Variants in MYRIP observed in about 807,000 individuals in gnomAD.
MYRIP encodes the protein myosin VIIA and Rab interacting protein, also known as rab effector MyRIP.
In MYRIP, 49 loss-of-function variants were observed where a neutral mutation model predicts 98.0. The observed-to-expected ratio is 0.50, with a 90% CI of 0.40 to 0.63. The LOEUF (loss-of-function observed/expected upper bound fraction) is 0.63, where lower values mean the gene tolerates loss of function less well. Ranked by LOEUF, MYRIP falls within the 30% of genes least tolerant of loss-of-function variation. MYRIP has a pLI of 0.00. For missense variants in MYRIP, 1,004 were observed against 1,058.2 expected (o/e 0.95, Z 0.71); for synonymous variants, 404 against 409.5 (o/e 0.99, Z 0.16).
At chr3:39,830,008 G>C (rs1941393407) in intron 1 of MYRIP, among the ~76,000 whole-genome samples, 1 of 152,082 alleles carries the variant, frequency 6.6e-6, no homozygotes. Flanking sequence ...GTAACTACCA[G>C]CTTCACAATC....
At chr3:40,069,097 G>T (rs1395320565) in intron 3 of MYRIP, among the ~76,000 whole-genome samples, 1 of 152,098 alleles carries the variant, frequency 6.6e-6, no homozygotes, top group Admixed American at 6.6e-5. Context: ...TGAGTAGATT[G>T]GTAGCTGGTA....
chr3:40,182,187 G>A (rs745654445), intron 8 of MYRIP, 33 bp from the exon 9 acceptor site: 4 of 1,575,166 alleles, frequency 2.5e-6, no homozygotes, highest in Non-Finnish European at 2.6e-6. Flanking sequence ...TGTACCTTAT[G>A]AGCTCACCCC....
chr3:39,829,534 G>A (rs1439799327), intron 1 of MYRIP, among the ~76,000 whole-genome samples: 1 of 152,130 alleles, frequency 6.6e-6, no homozygotes, highest in Non-Finnish European at 1.5e-5. Flanking sequence ...GTCCTAGGCT[G>A]TGAGAGGTTG....
rs1239458074 is a variant in MYRIP at position 40,084,387 on chromosome 3, CGATA to C, written c.332+40121_332+40124del. On this transcript the variant is annotated intron_variant, in intron 3 of 16. Coordinates refer to ENST00000302541, the MANE Select transcript of MYRIP (RefSeq NM_015460.4). ...TAATACACATCTATGTATTATATAT[CGATA>C]GATAATACACATCTATGTATTATCT... Among the ~76,000 whole-genome samples the C allele has an allele frequency of 4.7e-4, 64 of 135,280 alleles. 1 individual carries two copies. Among genetic ancestry groups the C allele is most frequent in the African/African-American group, 1.6e-3 (55 of 34,678 alleles). The allele number at this position is 135,280 out of a possible 152,430, so 88.7% of individuals were successfully genotyped here. A position where few individuals can be genotyped will look rare whatever the true frequency, so the allele number is the denominator to read the frequency against.
intron 1 of MYRIP, among the ~76,000 whole-genome samples, chr3:39,861,002 C>T (rs892086165): frequency 1.3e-5 from 2 of 152,256 alleles, no homozygotes; most frequent in Non-Finnish European, 2.9e-5. Context: ...AGCATGCGTT[C>T]TGCTGCACTG....
rs75396282 is a variant in MYRIP at position 39,908,431 on chromosome 3, C to T, written c.110+7505C>T. On this transcript the variant is annotated intron_variant, in intron 2 of 16. Coordinates refer to ENST00000302541, the MANE Select transcript of MYRIP (RefSeq NM_015460.4). The stretch of plus-strand genomic sequence containing the variant: ...GCCACCTCCAGGGGTAATCTTCCAC[C>T]CCCCCCATTGCTCAGGTCTAAGTGT... Among the ~76,000 whole-genome samples the T allele has an allele frequency of 7.0e-4, 106 of 152,098 alleles. No individual in the cohort carries two copies. In the East Asian group the frequency reaches 0.019, roughly 27 times the overall value.
chr3:40,237,740 G>A (rs1952862107), intron 12 of MYRIP, among the ~76,000 whole-genome samples: 1 of 152,130 alleles, frequency 6.6e-6, no homozygotes, highest in Admixed American at 6.5e-5. Context: ...CTGATCCTGG[G>A]CACACACAAT....
At chr3:40,174,052 T>G (rs919559777) in intron 8 of MYRIP, 1 of 152,210 alleles carries the variant, frequency 6.6e-6, no homozygotes, top group South Asian at 2.1e-4. Context: ...ACAAGATATG[T>G]CCACCTTCCC....
intron 1 of MYRIP, among the ~76,000 whole-genome samples, chr3:39,837,025 C>T (rs1314090118): frequency 6.6e-6 from 1 of 152,174 alleles, no homozygotes; most frequent in African/African-American, 2.4e-5. Context: ...AAGACCCAGT[C>T]GCTTTCAGCC....
intron 2 of MYRIP, among the ~76,000 whole-genome samples, chr3:39,987,870 T>C (rs949900236): frequency 6.6e-6 from 1 of 152,222 alleles, no homozygotes; most frequent in South Asian, 2.1e-4. Flanking sequence ...CGTATGTTTA[T>C]TGTGGCACTA....
intron 2 of MYRIP, among the ~76,000 whole-genome samples, chr3:39,979,673 A>G (rs1311461164): frequency 6.6e-6 from 1 of 152,068 alleles, no homozygotes; most frequent in African/African-American, 2.4e-5. Flanking sequence ...AAAAAACAAA[A>G]AAAAACTAAG....
chr3:39,932,738 T>C (rs1944569694), intron 2 of MYRIP, among the ~76,000 whole-genome samples: 1 of 152,114 alleles, frequency 6.6e-6, no homozygotes, highest in Non-Finnish European at 1.5e-5. Context: ...GTCAAGAATT[T>C]TGAGAGTTCA....
intron 2 of MYRIP, among the ~76,000 whole-genome samples, chr3:39,972,184 T>C (rs1224824200): frequency 6.6e-6 from 1 of 152,070 alleles, no homozygotes; most frequent in Non-Finnish European, 1.5e-5. Context: ...ACAAAGACAT[T>C]CTGGAATAAA....
chr3:40,176,541 G>C, intron 8 of MYRIP, among the ~76,000 whole-genome samples: 1 of 152,084 alleles, frequency 6.6e-6, no homozygotes, highest in East Asian at 1.9e-4. Context: ...TTTGAGGCTA[G>C]AAATTCGAGA....
chr3:40,218,612 T>TTATATATATATATATATATATATA (rs751894190), intron 11 of MYRIP, among the ~76,000 whole-genome samples: 1 of 13,562 alleles, frequency 7.4e-5, no homozygotes, highest in Admixed American at 1.3e-3. Context: ...TATATATATT[T>TTATATATATATATATATATATATA]TATATATATA....
chr3:40,254,148 AC>A (rs1469333924), intron 16 of MYRIP, among the ~76,000 whole-genome samples: 1 of 152,190 alleles, frequency 6.6e-6, no homozygotes, highest in Non-Finnish European at 1.5e-5. Flanking sequence ...AAATAACGAG[AC>A]AAGTCCCTAT....
intron 9 of MYRIP, among the ~76,000 whole-genome samples, chr3:40,188,149 CAT>C (rs1232174431): frequency 6.6e-6 from 1 of 152,192 alleles, no homozygotes; most frequent in Non-Finnish European, 1.5e-5. Flanking sequence ...CTGTTGAAAA[CAT>C]ATGTTCCACC....
intron 10 of MYRIP, 82 bp downstream of exon 10, chr3:40,190,545 C>G (rs570923951): frequency 1.3e-6 from 2 of 1,493,582 alleles, no homozygotes; most frequent in South Asian, 2.8e-5. Flanking sequence ...GGCATAGAGT[C>G]CTGGGTTTGG....
intron 11 of MYRIP, among the ~76,000 whole-genome samples, chr3:40,214,306 C>T (rs977750111): frequency 2.0e-5 from 3 of 150,528 alleles, no homozygotes; most frequent in Non-Finnish European, 2.9e-5. Flanking sequence ...CCATCACTGT[C>T]CCTGCTGTTT....
Sources: gnomAD v4.1 joint callset for allele counts (sites outside exome capture counted in the v4.1 genomes callset) on GRCh38, gnomAD v4.1.1 for gene constraint, MANE v1.5 for transcripts, NCBI Gene and HGNC (gene_info 2026-07-23, HGNC 2026-07-21) for gene names.